Variants in TMEM14A observed in about 807,000 individuals in gnomAD.
TMEM14A encodes transmembrane protein 14A.
TMEM14A carries 8 observed loss-of-function variants against 11.6 expected under a neutral mutation model. The observed-to-expected ratio is 0.69, with a 90% CI of 0.40 to 1.24. TMEM14A has a LOEUF of 1.24. Among genes scored for constraint, TMEM14A ranks in the 50% most tolerant of loss-of-function variants. TMEM14A has a pLI of 0.01. For missense variants in TMEM14A, 108 were observed against 121.9 expected (o/e 0.89, Z 0.54); for synonymous variants, 34 against 45.5 (o/e 0.75, Z 1.02).
chr6:52,681,731 C>T (rs1419543941), intron 2 of TMEM14A, 82 bp from the exon 3 acceptor site: 1 of 1,210,796 alleles, frequency 8.3e-7, no homozygotes, highest in Non-Finnish European at 1.2e-6. Flanking sequence ...TTGAAGGTGC[C>T]TGTATCATAC....
chr6:52,675,344 A>G (rs765434646), intron 1 of TMEM14A, among the ~76,000 whole-genome samples: 2 of 152,252 alleles, frequency 1.3e-5, no homozygotes, highest in Non-Finnish European at 2.9e-5. Context: ...TGGAAGAAAT[A>G]TAGACGTGAG....
In TMEM14A at chr6:52,681,803, C is replaced by A; in HGVS notation, c.71-10C>A. On this transcript the variant is annotated splice_polypyrimidine_tract_variant and intron_variant, in intron 2 of 4. Transcript: ENST00000211314. ...TCTCTTTGTGATCTCATATTTTTTT[C>A]CCCTTCCAGGTGGTGTTCCGTCTTT... The A allele has an allele frequency of 1.2e-6, 2 of 1,611,134 alleles. No homozygotes were observed. The highest frequency in any genetic ancestry group is 1.7e-6 in the Non-Finnish European group (2 of 1,178,302).
At chr6:52,672,984 CCTGT>C (rs1279494066) in intron 1 of TMEM14A, among the ~76,000 whole-genome samples, 1 of 152,144 alleles carries the variant, frequency 6.6e-6, no homozygotes, top group African/African-American at 2.4e-5. Flanking sequence ...GGTGTACAGC[CCTGT>C]CTTTCTCACC....
At chr6:52,680,691 G>GTGTATATATATATATATACATATATGTA (rs758417981) in intron 2 of TMEM14A, among the ~76,000 whole-genome samples, 2 of 35,318 alleles carry the variant, frequency 5.7e-5, no homozygotes, top group Admixed American at 2.9e-4. Flanking sequence ...ATACATATAT[G>GTGTATATATATATATATACATATATGTA]TATATATATA....
intron 2 of TMEM14A, among the ~76,000 whole-genome samples, chr6:52,680,691 G>GTGTGTATATATA (rs758417981): frequency 2.8e-5 from 1 of 35,338 alleles, no homozygotes; most frequent in African/African-American, 7.6e-5. Context: ...ATACATATAT[G>GTGTGTATATATA]TATATATATA....
chr6:52,680,101 G>T (rs148483720), intron 2 of TMEM14A, among the ~76,000 whole-genome samples: 4 of 151,926 alleles, frequency 2.6e-5, no homozygotes, highest in African/African-American at 9.7e-5. Flanking sequence ...ACCTGGCCCT[G>T]TGTCTCGCCC....
chr6:52,683,937 T>G (rs1427427382), intron 3 of TMEM14A, 141 bp from the exon 4 acceptor site: 1 of 786,760 alleles, frequency 1.3e-6, no homozygotes, highest in Non-Finnish European at 2.0e-6. Flanking sequence ...ATAGAGCACT[T>G]TATCTTTTCA....
At position 52,677,073 on chromosome 6, in the gene TMEM14A, C is replaced by A; in HGVS notation, c.-16-14C>A. 6.2e-7 allele frequency: 1 copy of A among 1,612,422 alleles called. No individual in the cohort carries two copies. Among genetic ancestry groups the A allele is most frequent in the South Asian group, 1.1e-5 (1 of 91,008 alleles). ...TTTTATTTTGTATAATTTGTCCTTT[C>A]CCCCTTGCTTTAGAATTGCAACCTT... On this transcript the variant is annotated splice_polypyrimidine_tract_variant and intron_variant, in intron 1 of 4. Coordinates refer to ENST00000211314, the MANE Select transcript of TMEM14A (RefSeq NM_014051.4).
chr6:52,686,179 A>G lies in TMEM14A; in HGVS notation c.*130A>G. 2.4e-6 allele frequency: 2 copies of G among 818,406 alleles called. No individual in the cohort carries two copies. The highest frequency in any genetic ancestry group is 3.6e-6 in the Non-Finnish European group (2 of 553,696). 50.7% of individuals were successfully genotyped at this position (818,406 alleles called of 1,614,324 possible). A position where few individuals can be genotyped will look rare whatever the true frequency, so the allele number is the denominator to read the frequency against. On this transcript the variant is annotated 3_prime_UTR_variant, in exon 5 of 5. Transcript: ENST00000211314. ...CACAAATAGCACTGTCACCTCTAAT[A>G]TGAACATTAGTTTGAGGTAGTTTTT... is the stretch of plus-strand genomic sequence containing the variant.
chr6:52,673,120 A>T (rs913324623), intron 1 of TMEM14A, among the ~76,000 whole-genome samples: 1 of 152,082 alleles, frequency 6.6e-6, no homozygotes, highest in East Asian at 1.9e-4. Context: ...CACCCTCTTC[A>T]CTTGACTTAT....
At chr6:52,677,614 GA>G (rs201082693) in intron 2 of TMEM14A, among the ~76,000 whole-genome samples, 45 of 150,456 alleles carry the variant, frequency 3.0e-4, no homozygotes, top group African/African-American at 9.2e-4. Flanking sequence ...AAAGAGGGGG[GA>G]AAAAAACTCA....
At chr6:52,679,136 C>T (rs1042616133) in intron 2 of TMEM14A, among the ~76,000 whole-genome samples, 10 of 152,116 alleles carry the variant, frequency 6.6e-5, no homozygotes, top group East Asian at 1.9e-4. Flanking sequence ...TTGGGTTAAA[C>T]GGAGAAGCTG....
At chr6:52,677,218 G>A in intron 2 of TMEM14A, 46 bp downstream of exon 2, 1 of 1,600,360 alleles carries the variant, frequency 6.2e-7, no homozygotes, top group African/African-American at 1.3e-5. Flanking sequence ...GTGGGGGTTT[G>A]GAGGTTGTGC....
At chr6:52,680,650 T>C (rs1769355659) in intron 2 of TMEM14A, among the ~76,000 whole-genome samples, 2 of 44,392 alleles carry the variant, frequency 4.5e-5, no homozygotes. Context: ...TGTATATATA[T>C]GTGTGTGTAT....
At chr6:52,671,929 A>G (rs1358880497) in intron 1 of TMEM14A, among the ~76,000 whole-genome samples, 1 of 152,216 alleles carries the variant, frequency 6.6e-6, no homozygotes, top group Non-Finnish European at 1.5e-5. Context: ...TGGCCTGGCC[A>G]CATGGCTCCG....
rs35319285 is a variant in TMEM14A, at chr6:52,681,822, C to T, written c.80C>T (p.Pro27Leu). ...IFGYKRRGGV[P>L]SLIAGLFVGC... is the part of the protein sequence containing the mutation. ...TTTTTTCCCCTTCCAGGTGGTGTTC[C>T]GTCTTTGATTGCTGGTCTTTTTGTT... Residue 27 changes from proline (P) to leucine (L), a missense_variant, in exon 3 of 5, where the codon CCG becomes CTG. Transcript: ENST00000211314. The T allele has an allele frequency of 0.015, 24,517 of 1,613,542 alleles. 249 individuals carry two copies. Among genetic ancestry groups the T allele is most frequent in the Non-Finnish European group, 0.018 (21,461 of 1,179,728 alleles).
intron 3 of TMEM14A, among the ~76,000 whole-genome samples, chr6:52,682,805 G>C (rs138070399): frequency 1.8e-4 from 28 of 151,966 alleles, no homozygotes; most frequent in African/African-American, 6.3e-4. Flanking sequence ...TGGCATTGAT[G>C]TCCTAATCTC....
intron 3 of TMEM14A, 55 bp downstream of exon 3, chr6:52,681,969 T>C: frequency 6.9e-7 from 1 of 1,440,598 alleles, no homozygotes; most frequent in Non-Finnish European, 9.8e-7. Context: ...GGTGATCTTT[T>C]TGATACCCTA....
chr6:52,683,622 GT>G (rs1248728657), intron 3 of TMEM14A, among the ~76,000 whole-genome samples: 1 of 151,868 alleles, frequency 6.6e-6, no homozygotes, highest in Non-Finnish European at 1.5e-5. Flanking sequence ...TTCTTTTGTT[GT>G]TTTTTTGAGA....
Sources: gnomAD v4.1 joint callset for allele counts (sites outside exome capture counted in the v4.1 genomes callset) on GRCh38, gnomAD v4.1.1 for gene constraint, MANE v1.5 for transcripts, NCBI Gene and HGNC (gene_info 2026-07-23, HGNC 2026-07-21) for gene names.